The following ROBO2 variants were observed in gnomAD, a reference collection of about 807,000 sequenced individuals.
ROBO2 encodes the protein roundabout homolog 2.
A neutral mutation model predicts 160.8 loss-of-function variants in ROBO2; 53 were observed. The observed-to-expected ratio is 0.33, with a 90% confidence interval of 0.26 to 0.41. ROBO2 has a LOEUF of 0.41. Among genes scored for constraint, ROBO2 ranks in the 10% least tolerant of loss-of-function variants. ROBO2 has a pLI of 1.00. For missense variants in ROBO2, 1,577 were observed against 1,722.4 expected, an observed-to-expected ratio of 0.92 and a Z score of 1.49; for synonymous variants, 664 against 611.7, an observed-to-expected ratio of 1.09 and a Z score of -1.26.
intron 2 of ROBO2, among the ~76,000 whole-genome samples, chr3:76,068,444 G>A (rs750356268): frequency 6.6e-6 from 1 of 152,096 alleles, no homozygotes; most frequent in Non-Finnish European, 1.5e-5. Flanking sequence ...TGGAGAAGGT[G>A]CCCTAAGAGG....
chr3:76,028,666 C>A (rs1197675691), intron 2 of ROBO2, among the ~76,000 whole-genome samples: 1 of 151,654 alleles, frequency 6.6e-6, no homozygotes, highest in African/African-American at 2.4e-5. Flanking sequence ...TATAAAATTC[C>A]AGTGGTGTGA....
chr3:76,329,673 G>C (rs1029371258), intron 2 of ROBO2, among the ~76,000 whole-genome samples: 1 of 152,184 alleles, frequency 6.6e-6, no homozygotes, highest in African/African-American at 2.4e-5. Flanking sequence ...GTTTTGGCAC[G>C]CTCAGCAAGA....
intron 2 of ROBO2, among the ~76,000 whole-genome samples, chr3:76,398,690 A>G (rs527594459): frequency 1.3e-5 from 2 of 151,774 alleles, no homozygotes; most frequent in East Asian, 1.9e-4. Context: ...TTCTAAACTA[A>G]ATATACTAAT....
At chr3:76,242,008 A>G (rs909044259) in intron 2 of ROBO2, among the ~76,000 whole-genome samples, 2 of 152,190 alleles carry the variant, frequency 1.3e-5, no homozygotes, top group African/African-American at 4.8e-5. Flanking sequence ...GAAAGCAAGG[A>G]AAGTGCTGAT....
At chr3:77,582,364 C>T (rs1225249391) in intron 16 of ROBO2, among the ~76,000 whole-genome samples, 1 of 152,132 alleles carries the variant, frequency 6.6e-6, no homozygotes, top group East Asian at 1.9e-4. Flanking sequence ...GCCTCCCAGG[C>T]ATGAGCCACC....
chr3:76,323,979 G>A (rs1413804938), intron 2 of ROBO2, among the ~76,000 whole-genome samples: 1 of 152,068 alleles, frequency 6.6e-6, no homozygotes, highest in African/African-American at 2.4e-5. Context: ...CTATTATTCT[G>A]AATAATACAT....
intron 2 of ROBO2, among the ~76,000 whole-genome samples, chr3:76,830,811 TAA>T (rs10666160): frequency 7.5e-6 from 1 of 132,552 alleles, no homozygotes. Flanking sequence ...ACCTCATTTC[TAA>T]AAAAAAAAAA....
rs1047870924 is a variant in ROBO2, at chr3:77,307,213, T to C, written c.389-170201T>C. Among the ~76,000 whole-genome samples, 9 of 152,274 alleles carry C rather than the reference T, an allele frequency of 5.9e-5. No individual in the cohort carries two copies. The South Asian group carries it at 1.5e-3, about 25-fold the overall frequency. ...ATGTTGATGGCTGGTATGAAAAAGA[T>C]AGGGAGGTGGCAAACTGGTGAGTTG... On this transcript the variant is annotated intron_variant, in intron 2 of 25. Coordinates refer to ENST00000461745, the Ensembl canonical transcript of ROBO2.
chr3:76,666,940 C>A (rs1051511325), intron 2 of ROBO2, among the ~76,000 whole-genome samples: 1 of 144,808 alleles, frequency 6.9e-6, no homozygotes, highest in Non-Finnish European at 1.5e-5. Flanking sequence ...ATTTCTATGT[C>A]TATATATATA....
chr3:76,692,059 AG>A (rs1447542915), intron 2 of ROBO2, among the ~76,000 whole-genome samples: 1 of 152,070 alleles, frequency 6.6e-6, no homozygotes, highest in South Asian at 2.1e-4. Flanking sequence ...GGAGAGATGA[AG>A]GAGGAGGAAT....
At chr3:77,035,718 T>G (rs1254426356), upstream of ROBO2, among the ~76,000 whole-genome samples, 1 of 151,906 alleles carries the variant, frequency 6.6e-6, no homozygotes, top group Non-Finnish European at 1.5e-5. Context: ...TCATTTTATC[T>G]TGGCTCCCTC....
At chr3:75,924,953 G>A (rs907016881) in intron 1 of ROBO2, among the ~76,000 whole-genome samples, 3 of 151,820 alleles carry the variant, frequency 2.0e-5, no homozygotes, top group African/African-American at 7.3e-5. Context: ...CTCCCAAAGT[G>A]CTGGGATTAC....
chr3:76,204,577 C>G (rs1490740751), intron 2 of ROBO2, among the ~76,000 whole-genome samples: 1 of 152,182 alleles, frequency 6.6e-6, no homozygotes, highest in African/African-American at 2.4e-5. Context: ...GCATCGAATT[C>G]TGCTGTTCTC....
chr3:76,074,133 G>C (rs1467403196), intron 2 of ROBO2, among the ~76,000 whole-genome samples: 2 of 151,780 alleles, frequency 1.3e-5, no homozygotes, highest in Non-Finnish European at 2.9e-5. Flanking sequence ...TGAAGCTGAG[G>C]CTCCAGGTCC....
At chr3:76,037,027 TCGA>T (rs1300038008) in intron 2 of ROBO2, among the ~76,000 whole-genome samples, 1 of 152,000 alleles carries the variant, frequency 6.6e-6, no homozygotes, top group Non-Finnish European at 1.5e-5. Flanking sequence ...TCTTCTGATT[TCGA>T]CTCCCTATTT....
intron 2 of ROBO2, among the ~76,000 whole-genome samples, chr3:75,988,207 A>G (rs934373131): frequency 1.3e-5 from 2 of 152,056 alleles, no homozygotes; most frequent in African/African-American, 4.8e-5. Context: ...CTATAATCCT[A>G]ACTAATTATA....
chr3:77,449,282 A>G (rs1156830443), intron 2 of ROBO2, among the ~76,000 whole-genome samples: 2 of 152,140 alleles, frequency 1.3e-5, no homozygotes, highest in African/African-American at 4.8e-5. Context: ...GGGTCATGAA[A>G]ACAAGATAGT....
chr3:76,090,403 G>A (rs1170497499), intron 2 of ROBO2, among the ~76,000 whole-genome samples: 1 of 152,038 alleles, frequency 6.6e-6, no homozygotes, highest in East Asian at 1.9e-4. Context: ...TCCAGCCTGG[G>A]TAACAGAGTG....
intron 1 of ROBO2, among the ~76,000 whole-genome samples, chr3:77,087,748 A>G (rs1409688592): frequency 6.6e-6 from 1 of 151,952 alleles, no homozygotes. Context: ...ATGTGTGTGT[A>G]CATATACATA....
Sources: allele counts gnomAD v4.1 joint callset (sites outside exome capture counted in the v4.1 genomes callset), GRCh38; gene constraint gnomAD v4.1.1; transcripts MANE v1.5; gene names NCBI Gene and HGNC (gene_info 2026-07-23, HGNC 2026-07-21).